Variants in KPNB1 observed in about 807,000 individuals in gnomAD.
KPNB1 encodes the protein importin subunit beta-1.
Under a neutral mutation model 113.0 loss-of-function variants are expected in KPNB1, and 7 were observed. That is an observed-to-expected ratio of 0.06 (90% CI 0.04 to 0.12). The LOEUF (loss-of-function observed/expected upper bound fraction) is 0.12. KPNB1 is among the 10% of genes least tolerant of loss of function. The pLI is 1.00. For missense variants in KPNB1, 400 were observed against 1,054.8 expected (o/e 0.38, Z 8.60); for synonymous variants, 363 against 378.6 (o/e 0.96, Z 0.48).
intron 9 of KPNB1, among the ~76,000 whole-genome samples, chr17:47,666,761 G>A (rs544681014): frequency 6.6e-6 from 1 of 151,218 alleles, no homozygotes; most frequent in Admixed American, 6.6e-5. Context: ...TGGGACTACA[G>A]GCATGCACCA....
At chr17:47,659,269 A>G (rs1287755799) in intron 5 of KPNB1, among the ~76,000 whole-genome samples, 1 of 152,186 alleles carries the variant, frequency 6.6e-6, no homozygotes, top group Non-Finnish European at 1.5e-5. Context: ...GAATCACTTG[A>G]ACCTGGGAGG....
intron 6 of KPNB1, among the ~76,000 whole-genome samples, chr17:47,662,561 G>T (rs1386730458): frequency 6.7e-6 from 1 of 150,134 alleles, no homozygotes; most frequent in Non-Finnish European, 1.5e-5. Context: ...GGGCGACAGA[G>T]CAAGAAGACT....
At chr17:47,669,420 C>T (rs185102361) in intron 10 of KPNB1, among the ~76,000 whole-genome samples, 369 of 152,272 alleles carry the variant, frequency 2.4e-3, no homozygotes, top group Non-Finnish European at 4.2e-3. Context: ...TCATCATGCC[C>T]GGCCTCTATC....
intron 2 of KPNB1, among the ~76,000 whole-genome samples, chr17:47,651,586 T>A (rs1025895167): frequency 1.3e-5 from 2 of 152,208 alleles, no homozygotes; most frequent in Non-Finnish European, 2.9e-5. Flanking sequence ...GGCTGATAAT[T>A]CCATTTAGGG....
At chr17:47,666,394 T>TTGTGTGTGTGTGTGTG (rs140549997) in intron 9 of KPNB1, among the ~76,000 whole-genome samples, 2 of 139,654 alleles carry the variant, frequency 1.4e-5, no homozygotes, top group East Asian at 2.0e-4. Flanking sequence ...GTCTTTACTT[T>TTGTGTGTGTGTGTGTG]TGTGTGTGTG....
At chr17:47,665,748 C>T (rs985347619) in intron 9 of KPNB1, among the ~76,000 whole-genome samples, 24 of 152,100 alleles carry the variant, frequency 1.6e-4, no homozygotes, top group Non-Finnish European at 2.5e-4. Flanking sequence ...TTTATGAGGA[C>T]CGTGTCCTGG....
intron 6 of KPNB1, 83 bp downstream of exon 6, chr17:47,661,261 A>G (rs2030086357): frequency 2.0e-6 from 2 of 998,106 alleles, no homozygotes; most frequent in Non-Finnish European, 3.2e-6. Context: ...AATACTGGGA[A>G]TCAGTTGACT....
intron 16 of KPNB1, 101 bp downstream of exon 16, chr17:47,676,592 T>TA: frequency 2.4e-6 from 2 of 841,440 alleles, no homozygotes; most frequent in Non-Finnish European, 3.9e-6. Flanking sequence ...TTTTTCCTGA[T>TA]ACATTGTCCT....
At chr17:47,652,229 A>G (rs1251537456) in intron 2 of KPNB1, among the ~76,000 whole-genome samples, 2 of 152,104 alleles carry the variant, frequency 1.3e-5, no homozygotes, top group Admixed American at 6.5e-5. Flanking sequence ...TTCTTTTGGG[A>G]CCAAGGTTTT....
At chr17:47,666,394 T>TTGTGTGTGTGTGTGTGTGTGTG (rs140549997) in intron 9 of KPNB1, among the ~76,000 whole-genome samples, 1 of 139,654 alleles carries the variant, frequency 7.2e-6, no homozygotes, top group East Asian at 2.0e-4. Context: ...GTCTTTACTT[T>TTGTGTGTGTGTGTGTGTGTGTG]TGTGTGTGTG....
At chr17:47,650,542 C>G in intron 2 of KPNB1, 98 bp downstream of exon 2, 1 of 918,214 alleles carries the variant, frequency 1.1e-6, no homozygotes, top group Non-Finnish European at 1.7e-6. Context: ...GGAACCTACC[C>G]CGCCCCATCC....
intron 21 of KPNB1, among the ~76,000 whole-genome samples, chr17:47,681,673 GCT>G (rs1341516161): frequency 1.0e-4 from 14 of 139,876 alleles, no homozygotes; most frequent in African/African-American, 3.8e-4. Context: ...CTCCTAAATT[GCT>G]GGAATTATAG....
chr17:47,666,632 A>AT (rs899201024), intron 9 of KPNB1, among the ~76,000 whole-genome samples: 5 of 146,334 alleles, frequency 3.4e-5, no homozygotes, highest in East Asian at 2.0e-4. Flanking sequence ...ATATATATTT[A>AT]TTTTTTAGAC....
intron 12 of KPNB1, among the ~76,000 whole-genome samples, chr17:47,671,142 A>C (rs543801224): frequency 6.6e-6 from 1 of 152,076 alleles, no homozygotes; most frequent in South Asian, 2.1e-4. Flanking sequence ...CTGTAGTCCT[A>C]GCTACTTGGG....
chr17:47,679,580 A>G (rs890308185), intron 19 of KPNB1, among the ~76,000 whole-genome samples: 1 of 152,224 alleles, frequency 6.6e-6, no homozygotes, highest in Admixed American at 6.5e-5. Context: ...ATATAACTAT[A>G]TGCATCTAGT....
At chr17:47,671,998 A>G (rs558705738) in intron 12 of KPNB1, 1 of 148,638 alleles carries the variant, frequency 6.7e-6, no homozygotes, top group South Asian at 2.2e-4. Flanking sequence ...TCAGGAAGAG[A>G]GCTGAGCACA....
At chr17:47,673,866 C>T (rs1480051779) in intron 14 of KPNB1, 17 of 300,166 alleles carry the variant, frequency 5.7e-5, no homozygotes, top group Middle Eastern at 9.9e-4. Context: ...CTTCCTCACT[C>T]GTTTGTTTCA....
At chr17:47,675,705 G>A (rs1310250685) in intron 15 of KPNB1, among the ~76,000 whole-genome samples, 4 of 152,120 alleles carry the variant, frequency 2.6e-5, no homozygotes, top group African/African-American at 4.8e-5. Flanking sequence ...TGCAAAATTG[G>A]TTTGGGGAAG....
Position 47,683,503 on chromosome 17 carries a change from A to G in KPNB1, c.*1099A>G, listed in dbSNP as rs1171955430. 2 of 152,582 alleles carry G rather than the reference A, an allele frequency of 1.3e-5. No individual in the cohort carries two copies. Among genetic ancestry groups the G allele is most frequent in the East Asian group, 3.8e-4 (2 of 5,200 alleles). 9.5% of individuals were successfully genotyped at this position (152,582 alleles called of 1,614,324 possible). On this transcript the variant is annotated 3_prime_UTR_variant, in exon 22 of 22. Coordinates refer to ENST00000290158, the MANE Select transcript of KPNB1 (RefSeq NM_002265.6). ...GAACGCCCCCAGAAAATTGTGCCAA[A>G]GAGTTTAGAAAAATAAATATACAAT...
Sources: allele counts gnomAD v4.1 joint callset (sites outside exome capture counted in the v4.1 genomes callset), GRCh38; gene constraint gnomAD v4.1.1; transcripts MANE v1.5; gene names NCBI Gene and HGNC (gene_info 2026-07-23, HGNC 2026-07-21).